GALNTL6: variants seen among roughly 807,000 people sequenced by gnomAD.
GALNTL6 encodes polypeptide N-acetylgalactosaminyltransferase like 6.
In GALNTL6, 46 loss-of-function variants were observed where a neutral mutation model predicts 73.7. The observed-to-expected ratio is 0.62, with a 90% CI of 0.49 to 0.80. The LOEUF (loss-of-function observed/expected upper bound fraction) is 0.80, where lower values mean the gene tolerates loss of function less well. Among genes scored for constraint, GALNTL6 ranks in the 30% least tolerant of loss-of-function variants. GALNTL6 has a pLI of 0.00. For synonymous variants in GALNTL6, 259 were observed against 263.7 expected (o/e 0.98, Z 0.17); for missense variants, 604 against 755.0 (o/e 0.80, Z 2.34).
chr4:172,250,885 G>T (rs933963897), intron 3 of GALNTL6, among the ~76,000 whole-genome samples: 1 of 151,996 alleles, frequency 6.6e-6, no homozygotes, highest in African/African-American at 2.4e-5. Flanking sequence ...TATTCAGAAG[G>T]GATCAATAAA....
intron 2 of GALNTL6, among the ~76,000 whole-genome samples, chr4:171,823,338 A>T (rs1210669254): frequency 3.3e-5 from 5 of 152,044 alleles, no homozygotes; most frequent in African/African-American, 4.8e-5. Context: ...GCCCTGAGAG[A>T]TTGAGGGGAC....
intron 5 of GALNTL6, among the ~76,000 whole-genome samples, chr4:172,416,558 A>G (rs181587770): frequency 6.6e-6 from 1 of 152,296 alleles, no homozygotes; most frequent in East Asian, 1.9e-4. Flanking sequence ...TAATAACTAA[A>G]ATCAAGGATA....
At chr4:172,773,840 G>T (rs1431133283) in intron 5 of GALNTL6, among the ~76,000 whole-genome samples, 2 of 152,116 alleles carry the variant, frequency 1.3e-5, no homozygotes, top group Admixed American at 6.5e-5. Context: ...ATGTGTTAGG[G>T]AAAAGTATGA....
intron 5 of GALNTL6, among the ~76,000 whole-genome samples, chr4:172,458,404 A>T (rs1561092197): frequency 6.6e-6 from 1 of 151,622 alleles, no homozygotes; most frequent in Admixed American, 6.6e-5. Context: ...GATATGAAAA[A>T]CCCTGCAAAA....
intron 5 of GALNTL6, among the ~76,000 whole-genome samples, chr4:172,467,874 C>T (rs376227390): frequency 8.3e-5 from 9 of 107,942 alleles, no homozygotes; most frequent in African/African-American, 2.3e-4. Context: ...TTCCTTCTTT[C>T]CTTCTTTTCT....
intron 2 of GALNTL6, among the ~76,000 whole-genome samples, chr4:172,214,431 G>A (rs941081990): frequency 1.3e-5 from 2 of 151,660 alleles, no homozygotes; most frequent in Non-Finnish European, 2.9e-5. Flanking sequence ...CTTTTTCAAA[G>A]AACTAGCTTT....
intron 5 of GALNTL6, among the ~76,000 whole-genome samples, chr4:172,504,619 TAAA>T (rs1274413514): frequency 2.9e-5 from 1 of 34,260 alleles, no homozygotes; most frequent in African/African-American, 7.5e-5. Flanking sequence ...GTAAATGCTC[TAAA>T]AAAAAAAAAA....
chr4:172,493,577 A>G (rs916498932), intron 5 of GALNTL6, among the ~76,000 whole-genome samples: 5 of 152,200 alleles, frequency 3.3e-5, no homozygotes, highest in African/African-American at 1.2e-4. Flanking sequence ...AATGTGATAC[A>G]TATGATATGT....
At chr4:172,433,643 T>G (rs1267769274) in intron 5 of GALNTL6, among the ~76,000 whole-genome samples, 1 of 151,948 alleles carries the variant, frequency 6.6e-6, no homozygotes, top group African/African-American at 2.4e-5. Flanking sequence ...TAGTGCTTCC[T>G]CCCCATCTAC....
chr4:171,900,541 A>G (rs916896867), intron 2 of GALNTL6, among the ~76,000 whole-genome samples: 1 of 150,852 alleles, frequency 6.6e-6, no homozygotes, highest in Non-Finnish European at 1.5e-5. Context: ...GATGGTGTCA[A>G]TCTCCTGACC....
chr4:172,752,395 T>C (rs1737477942), intron 5 of GALNTL6, among the ~76,000 whole-genome samples: 1 of 152,124 alleles, frequency 6.6e-6, no homozygotes, highest in South Asian at 2.1e-4. Flanking sequence ...TTTTTTCCCC[T>C]GAAGCAATAT....
intron 2 of GALNTL6, among the ~76,000 whole-genome samples, chr4:172,055,829 A>G (rs1157826934): frequency 6.6e-6 from 1 of 152,132 alleles, no homozygotes; most frequent in Non-Finnish European, 1.5e-5. Context: ...ATAGTTTTAG[A>G]TTTCACAGAA....
At chr4:172,759,541 T>A (rs1270412937) in intron 5 of GALNTL6, among the ~76,000 whole-genome samples, 1 of 152,210 alleles carries the variant, frequency 6.6e-6, no homozygotes, top group Non-Finnish European at 1.5e-5. Flanking sequence ...AAGACTGTAG[T>A]CAACAATTTC....
intron 2 of GALNTL6, among the ~76,000 whole-genome samples, chr4:171,821,640 GATATATATAT>G (rs3080305): frequency 5.1e-4 from 75 of 146,236 alleles, no homozygotes; most frequent in East Asian, 7.9e-4. Context: ...AGGCTTAACG[GATATATATAT>G]ATATATATAT....
chr4:172,145,605 CTGTTT>C (rs1406295633), intron 2 of GALNTL6, among the ~76,000 whole-genome samples: 1 of 152,106 alleles, frequency 6.6e-6, no homozygotes, highest in Non-Finnish European at 1.5e-5. Flanking sequence ...AAAAGGTTAT[CTGTTT>C]TACTAGTATC....
intron 8 of GALNTL6, among the ~76,000 whole-genome samples, chr4:172,908,597 TGCATGA>T (rs1747027383): frequency 6.9e-6 from 1 of 144,552 alleles, no homozygotes; most frequent in Non-Finnish European, 1.5e-5. Context: ...GGGTAAAATA[TGCATGA>T]GCGTGAGTGT....
At chr4:172,299,726 TGACA>T (rs1219561319) in intron 3 of GALNTL6, among the ~76,000 whole-genome samples, 1 of 152,246 alleles carries the variant, frequency 6.6e-6, no homozygotes, top group East Asian at 1.9e-4. Flanking sequence ...CACTGTGGTC[TGACA>T]GACAGTTTGT....
In GALNTL6 at chr4:172,631,688, G is replaced by A. The variant is rs112119006; in HGVS notation, c.554-177673G>A. On this transcript the variant is annotated intron_variant, in intron 5 of 12. Transcript: ENST00000506823. Reference sequence around the variant, plus strand: ...CATGTGTGGACAATGTTTTTGTGAAGCAAAACCAGTGTGATTTGCTTTCAA... The same window carrying A: ...CATGTGTGGACAATGTTTTTGTGAAACAAAACCAGTGTGATTTGCTTTCAA... Among the ~76,000 whole-genome samples, 543 of 152,274 alleles carry A rather than the reference G, an allele frequency of 3.6e-3. 5 individuals carry two copies. The highest frequency in any genetic ancestry group is 5.3e-3 in the Non-Finnish European group (361 of 68,018).
At chr4:172,852,711 T>G (rs921929911) in intron 7 of GALNTL6, among the ~76,000 whole-genome samples, 2 of 152,172 alleles carry the variant, frequency 1.3e-5, no homozygotes, top group Non-Finnish European at 1.5e-5. Flanking sequence ...CATAGGACTA[T>G]TATAAATTTT....
Sources: gnomAD v4.1 joint callset for allele counts (sites outside exome capture counted in the v4.1 genomes callset) on GRCh38, gnomAD v4.1.1 for gene constraint, MANE v1.5 for transcripts, NCBI Gene and HGNC (gene_info 2026-07-23, HGNC 2026-07-21) for gene names.